The following SLC71A2 variants were observed in gnomAD, a reference collection of about 807,000 sequenced individuals.
SLC71A2 encodes the protein hippocampus abundant transcript-like 1.
chr9:94,458,456 C>T, the SLC71A2 span: 65 of 1,613,742 alleles, frequency 4.0e-5, no homozygotes, highest in East Asian at 9.4e-4. Flanking sequence ...TAACAACGTT[C>T]CCCTGCAGGT....
At chr9:94,449,469 G>A in the SLC71A2 span, among the ~76,000 whole-genome samples, 11 of 152,076 alleles carry the variant, frequency 7.2e-5, no homozygotes, top group African/African-American at 2.7e-4. Context: ...TCTACAAAAG[G>A]CCAATAAGCA....
the SLC71A2 span, among the ~76,000 whole-genome samples, chr9:94,441,611 G>A: frequency 6.6e-6 from 1 of 152,170 alleles, no homozygotes; most frequent in African/African-American, 2.4e-5. Context: ...ATCCCCGGAG[G>A]AGCGTTAAGC....
the SLC71A2 span, among the ~76,000 whole-genome samples, chr9:94,400,459 A>T: frequency 6.7e-6 from 1 of 149,950 alleles, no homozygotes; most frequent in South Asian, 2.2e-4. Flanking sequence ...CTATGGGGAA[A>T]TTGAGCCAGT....
At chr9:94,435,212 C>G in the SLC71A2 span, among the ~76,000 whole-genome samples, 2 of 152,184 alleles carry the variant, frequency 1.3e-5, no homozygotes, top group African/African-American at 4.8e-5. Flanking sequence ...ACTCTGTAGG[C>G]AATACCTTTT....
the SLC71A2 span, among the ~76,000 whole-genome samples, chr9:94,419,140 G>T: frequency 6.6e-6 from 1 of 151,576 alleles, no homozygotes; most frequent in East Asian, 1.9e-4. Context: ...AAGAGACAGG[G>T]TCTTGCCCTG....
At chr9:94,390,170 C>T in the SLC71A2 span, among the ~76,000 whole-genome samples, 49 of 151,962 alleles carry the variant, frequency 3.2e-4, no homozygotes, top group Non-Finnish European at 5.2e-4. Flanking sequence ...GCCGAGATCG[C>T]GCCACTGCAT....
chr9:94,404,139 T>C, the SLC71A2 span, among the ~76,000 whole-genome samples: 2 of 152,132 alleles, frequency 1.3e-5, no homozygotes, highest in African/African-American at 4.8e-5. Flanking sequence ...AAAATAAATG[T>C]CTGTTATTTA....
chr9:94,453,109 A>G, the SLC71A2 span, among the ~76,000 whole-genome samples: 580 of 149,052 alleles, frequency 3.9e-3, 1 homozygote, highest in Non-Finnish European at 5.4e-3. Context: ...CAAGTTGATC[A>G]TTTTGGTTTT....
chr9:94,415,747 A>C, the SLC71A2 span, among the ~76,000 whole-genome samples: 133 of 152,116 alleles, frequency 8.7e-4, no homozygotes, highest in Middle Eastern at 0.01. Context: ...CCCTATGAGA[A>C]TCTAATGCCG....
the SLC71A2 span, among the ~76,000 whole-genome samples, chr9:94,456,575 A>T: frequency 2.6e-5 from 4 of 152,014 alleles, 1 homozygote; most frequent in Non-Finnish European, 1.5e-5. Context: ...TTAGAAATAG[A>T]ACTATTCATT....
At chr9:94,428,590 A>G in the SLC71A2 span, among the ~76,000 whole-genome samples, 1 of 116,062 alleles carries the variant, frequency 8.6e-6, no homozygotes, top group East Asian at 3.1e-4. Context: ...ACATATGCAT[A>G]CCCCCCCCCC....
chr9:94,458,178 C>T, the SLC71A2 span: 2 of 591,226 alleles, frequency 3.4e-6, no homozygotes, highest in Non-Finnish European at 5.6e-6. Flanking sequence ...TAAAGTCTTC[C>T]TAATCTACTT....
chr9:94,441,444 T>C, the SLC71A2 span, among the ~76,000 whole-genome samples: 18 of 152,308 alleles, frequency 1.2e-4, no homozygotes, highest in Admixed American at 3.3e-4. Context: ...AGAACTCACT[T>C]ACTATTAACA....
At chr9:94,387,093 G>A in the SLC71A2 span, among the ~76,000 whole-genome samples, 1 of 151,588 alleles carries the variant, frequency 6.6e-6, no homozygotes, top group Non-Finnish European at 1.5e-5. Context: ...CATCAGCCCT[G>A]GGCCATCCTT....
At chr9:94,414,957 C>T in the SLC71A2 span, among the ~76,000 whole-genome samples, 2 of 152,216 alleles carry the variant, frequency 1.3e-5, no homozygotes, top group East Asian at 1.9e-4. Context: ...CACACCCAAC[C>T]GAAAGTCTGT....
At chr9:94,451,388 A>G in the SLC71A2 span, 13 of 775,732 alleles carry the variant, frequency 1.7e-5, no homozygotes, top group African/African-American at 1.9e-4. Flanking sequence ...TCATTGTAAT[A>G]GAACATAATA....
the SLC71A2 span, among the ~76,000 whole-genome samples, chr9:94,421,070 C>G: frequency 6.1e-5 from 9 of 148,556 alleles, no homozygotes; most frequent in African/African-American, 2.2e-4. Flanking sequence ...GTCCTAAAAA[C>G]TAGAAAATAG....
the SLC71A2 span, chr9:94,444,931 T>TA: frequency 3.7e-5 from 59 of 1,601,092 alleles, no homozygotes; most frequent in Non-Finnish European, 4.9e-5. Context: ...TGTTCACCTA[T>TA]GGGACCCTGG....
chr9:94,399,475 AT>A, the SLC71A2 span, among the ~76,000 whole-genome samples: 5 of 152,166 alleles, frequency 3.3e-5, no homozygotes, highest in Non-Finnish European at 5.9e-5. Flanking sequence ...GACCATCTGT[AT>A]CTATATGAAG....
Sources: allele counts gnomAD v4.1 joint callset (sites outside exome capture counted in the v4.1 genomes callset), GRCh38; gene constraint gnomAD v4.1.1; transcripts MANE v1.5; gene names NCBI Gene and HGNC (gene_info 2026-07-23, HGNC 2026-07-21).